FAM13C: variants seen among roughly 807,000 people sequenced by gnomAD.
The protein encoded by FAM13C is protein FAM13C.
FAM13C carries 37 observed loss-of-function variants against 73.2 expected under a neutral mutation model. The ratio of observed to expected loss-of-function variants is 0.51; its 90% CI spans 0.39 to 0.67. The LOEUF (loss-of-function observed/expected upper bound fraction) is 0.67, where lower values mean the gene tolerates loss of function less well. Ranked by LOEUF, FAM13C falls within the 30% of genes least tolerant of loss-of-function variation. The pLI is 0.00. For missense variants in FAM13C, 589 were observed against 715.6 expected (o/e 0.82, Z 2.02); for synonymous variants, 246 against 260.9 (o/e 0.94, Z 0.55).
intron 5 of FAM13C, among the ~76,000 whole-genome samples, chr10:59,286,546 T>C (rs1298288871): frequency 7.0e-6 from 1 of 143,828 alleles, no homozygotes; most frequent in East Asian, 2.0e-4. Context: ...TATATATTCA[T>C]CATACAGAAA....
intron 3 of FAM13C, among the ~76,000 whole-genome samples, chr10:59,350,254 A>G (rs1023131773): frequency 1.3e-5 from 2 of 152,214 alleles, no homozygotes; most frequent in African/African-American, 2.4e-5. Flanking sequence ...CTCCCCTGAA[A>G]TCTACCTGTG....
At chr10:59,293,966 A>G (rs1417565898) in intron 5 of FAM13C, among the ~76,000 whole-genome samples, 2 of 152,260 alleles carry the variant, frequency 1.3e-5, no homozygotes, top group African/African-American at 4.8e-5. Context: ...TAGCAGGGGT[A>G]GGGGGAACAG....
At chr10:59,283,517 G>C (rs1333917092) in intron 5 of FAM13C, 70 bp from the exon 6 acceptor site, 1 of 1,509,814 alleles carries the variant, frequency 6.6e-7, no homozygotes, top group Non-Finnish European at 9.2e-7. Context: ...AATTCTGCCA[G>C]CAAAAGCAGA....
intron 8 of FAM13C, among the ~76,000 whole-genome samples, chr10:59,266,782 C>A (rs1177632635): frequency 1.3e-5 from 2 of 152,140 alleles, no homozygotes; most frequent in Admixed American, 1.3e-4. Flanking sequence ...AATAAGCATC[C>A]AAGATCTGTG....
intron 5 of FAM13C, among the ~76,000 whole-genome samples, chr10:59,284,460 TCCAACACACA>T (rs1845313968): frequency 6.6e-6 from 1 of 151,526 alleles, no homozygotes; most frequent in Non-Finnish European, 1.5e-5. Flanking sequence ...GCTAGGACCC[TCCAACACACA>T]CAGGCACACA....
chr10:59,328,337 G>T (rs1344511752), intron 3 of FAM13C, among the ~76,000 whole-genome samples: 1 of 152,150 alleles, frequency 6.6e-6, no homozygotes, highest in Admixed American at 6.6e-5. Context: ...AACCAGAATG[G>T]TGAAATATGA....
At position 59,247,653 on chromosome 10, in the gene FAM13C, C is replaced by T; in HGVS notation, c.1719G>A (p.Glu573=). Residue 573 remains glutamate (E), a synonymous_variant, in exon 14 of 14, where the codon GAG becomes GAA. Coordinates refer to ENST00000618804, the MANE Select transcript of FAM13C (RefSeq NM_198215.4). The part of the protein sequence containing the change: ...KHIKAKLRLL[E]VLISKQDVAK... ...CCACATCTTGCTTGCTGATGAGGAC[C>T]TCTAATAGTCTCAGTTTGGCTTTTA... The T allele has an allele frequency of 6.2e-7, 1 of 1,613,414 alleles. No individual in the cohort carries two copies. The highest frequency in any genetic ancestry group is 8.5e-7 in the Non-Finnish European group (1 of 1,179,656).
At chr10:59,340,659 T>C (rs1242531897) in intron 3 of FAM13C, among the ~76,000 whole-genome samples, 1 of 152,076 alleles carries the variant, frequency 6.6e-6, no homozygotes, top group Non-Finnish European at 1.5e-5. Flanking sequence ...TATTTCCATC[T>C]TGATGCTTCA....
chr10:59,279,304 C>T (rs992769140), intron 6 of FAM13C, among the ~76,000 whole-genome samples: 12 of 152,070 alleles, frequency 7.9e-5, no homozygotes, highest in African/African-American at 2.7e-4. Flanking sequence ...GAAATATGAG[C>T]GAAAAGGTCA....
In FAM13C at chr10:59,269,970, G is replaced by A. The variant is rs746977874; in HGVS notation, c.732C>T (p.Phe244=). The change falls in exon 7 of 14, where the codon TTC becomes TTT. Residue 244 remains phenylalanine, a synonymous_variant. Transcript: ENST00000618804. ...NPLLSPRCSI[F]SQSQRFNLDP... ...CTAAGTTGAATCTCTGGCTTTGGCTGAAGATGGAGCATCGTGGCGACAGCA... is the reference window on the plus strand; with the variant it reads ...CTAAGTTGAATCTCTGGCTTTGGCTAAAGATGGAGCATCGTGGCGACAGCA... 1 of 1,614,036 alleles carries A rather than the reference G, an allele frequency of 6.2e-7. No individual in the cohort carries two copies. The highest frequency in any genetic ancestry group is 8.5e-7 in the Non-Finnish European group (1 of 1,179,926).
chr10:59,317,146 G>A (rs2133974459), intron 4 of FAM13C, among the ~76,000 whole-genome samples: 1 of 151,966 alleles, frequency 6.6e-6, no homozygotes, highest in South Asian at 2.1e-4. Flanking sequence ...GTGTGTGTGT[G>A]TGTGTGTGTA....
chr10:59,354,874 A>G (rs879566553), intron 2 of FAM13C, among the ~76,000 whole-genome samples: 4 of 151,980 alleles, frequency 2.6e-5, no homozygotes, highest in Non-Finnish European at 5.9e-5. Context: ...CAGGGTTCCT[A>G]CCATCCTGAA....
At chr10:59,268,226 AAAGAAGAAGAAG>A (rs61116802) in intron 8 of FAM13C, among the ~76,000 whole-genome samples, 2 of 151,106 alleles carry the variant, frequency 1.3e-5, no homozygotes, top group African/African-American at 2.4e-5. Flanking sequence ...GAAAAAAGAA[AAAGAAGAAGAAG>A]AAGAAGAAGA....
At chr10:59,343,575 A>G (rs189297483) in intron 3 of FAM13C, among the ~76,000 whole-genome samples, 1 of 152,346 alleles carries the variant, frequency 6.6e-6, no homozygotes, top group African/African-American at 2.4e-5. Context: ...ACGGCAAAGC[A>G]TTGACCAGCT....
chr10:59,264,927 A>G (rs1842870429), intron 8 of FAM13C, among the ~76,000 whole-genome samples: 1 of 152,140 alleles, frequency 6.6e-6, no homozygotes, highest in Admixed American at 6.6e-5. Flanking sequence ...AGTATAAAAT[A>G]TGCTCAAGGT....
In FAM13C at chr10:59,325,606, T is replaced by C. The variant is rs974817375; in HGVS notation, c.325-1500A>G. 3.9e-5 allele frequency among the ~76,000 whole-genome samples: 6 copies of C among 152,310 alleles called. No individual in the cohort carries two copies. The South Asian group carries it at 6.2e-4, about 16-fold the overall frequency. On this transcript the variant is annotated intron_variant, in intron 3 of 13. Transcript: ENST00000618804. ...ATGGTTTTCACGTGAGACAGAATTCTGCTTGCTACTTGCTCAGTGTATGAC... is the reference window on the plus strand; with the variant it reads ...ATGGTTTTCACGTGAGACAGAATTCCGCTTGCTACTTGCTCAGTGTATGAC...
At chr10:59,252,280 G>T (rs943130876) in intron 12 of FAM13C, among the ~76,000 whole-genome samples, 5 of 152,108 alleles carry the variant, frequency 3.3e-5, no homozygotes, top group Non-Finnish European at 7.4e-5. Context: ...CTGTGAACTT[G>T]AAATTATACA....
chr10:59,258,483 T>C (rs1589361391), intron 10 of FAM13C, among the ~76,000 whole-genome samples: 2 of 152,242 alleles, frequency 1.3e-5, no homozygotes, highest in Middle Eastern at 3.4e-3. Context: ...ACCCTGTCTC[T>C]AAAAAATTTA....
At chr10:59,341,212 G>A (rs1243924821) in intron 3 of FAM13C, among the ~76,000 whole-genome samples, 3 of 151,968 alleles carry the variant, frequency 2.0e-5, no homozygotes, top group East Asian at 1.9e-4. Context: ...AAACCTTCAC[G>A]GTCTCCCTTT....
Sources: gnomAD v4.1 joint callset for allele counts (sites outside exome capture counted in the v4.1 genomes callset) on GRCh38, gnomAD v4.1.1 for gene constraint, MANE v1.5 for transcripts, NCBI Gene and HGNC (gene_info 2026-07-23, HGNC 2026-07-21) for gene names.